CNTN1: variants seen among roughly 807,000 people sequenced by gnomAD.
The protein encoded by CNTN1 is contactin 1, also known as contactin-1.
Under a neutral mutation model 126.4 loss-of-function variants are expected in CNTN1, and 38 were observed. The observed-to-expected ratio is 0.30, with a 90% CI of 0.23 to 0.39. The LOEUF (loss-of-function observed/expected upper bound fraction) is 0.39. CNTN1 is among the 10% of genes least tolerant of loss of function. The probability of loss-of-function intolerance (pLI) is 1.00; values close to 1 mark genes in which losing one functional copy is unlikely to be tolerated. For missense variants in CNTN1, 1,009 were observed against 1,248.4 expected, an observed-to-expected ratio of 0.81 and a Z score of 2.89; for synonymous variants, 413 against 422.6, an observed-to-expected ratio of 0.98 and a Z score of 0.28.
At chr12:40,714,179 A>T (rs1941992881) in intron 1 of CNTN1, among the ~76,000 whole-genome samples, 1 of 152,134 alleles carries the variant, frequency 6.6e-6, no homozygotes, top group Non-Finnish European at 1.5e-5. Context: ...AGATAGACAC[A>T]TATTAAAGAT....
At chr12:40,924,131 C>A (rs915418552) in intron 5 of CNTN1, among the ~76,000 whole-genome samples, 1 of 152,084 alleles carries the variant, frequency 6.6e-6, no homozygotes. Flanking sequence ...GATATCCAAG[C>A]CCTCCCTCAG....
At chr12:40,734,314 A>G (rs1942566699) in intron 1 of CNTN1, among the ~76,000 whole-genome samples, 1 of 152,150 alleles carries the variant, frequency 6.6e-6, no homozygotes, top group Non-Finnish European at 1.5e-5. Flanking sequence ...TGTTGACTTG[A>G]GGGTTCCACA....
At chr12:40,842,601 G>T (rs573844561) in intron 1 of CNTN1, among the ~76,000 whole-genome samples, 1 of 152,140 alleles carries the variant, frequency 6.6e-6, no homozygotes, top group South Asian at 2.1e-4. Context: ...AGACACTTTT[G>T]CTTCCTTCCT....
At position 40,856,025 on chromosome 12, in the gene CNTN1, A is replaced by G. The variant is rs1942895359; in HGVS notation, c.-76-52332A>G. On this transcript the variant is annotated intron_variant, in intron 1 of 23. Coordinates refer to ENST00000551295, the MANE Select transcript of CNTN1 (RefSeq NM_001843.4). ...CCCAAAGAGTTTACATGCTCAATCA[A>G]TGCACATTAAATTTTGGGTGGGTGA... Among the ~76,000 whole-genome samples, 3 of 152,234 alleles carry G rather than the reference A, an allele frequency of 2.0e-5. No individual in the cohort carries two copies. The South Asian group carries it at 6.2e-4, about 32-fold the overall frequency.
At chr12:40,836,025 T>C (rs1942039030) in intron 1 of CNTN1, among the ~76,000 whole-genome samples, 1 of 150,942 alleles carries the variant, frequency 6.6e-6, no homozygotes, top group Admixed American at 6.6e-5. Flanking sequence ...TGTATGCATA[T>C]ATATATACAC....
At chr12:40,734,203 C>A (rs1942564254) in intron 1 of CNTN1, among the ~76,000 whole-genome samples, 1 of 152,040 alleles carries the variant, frequency 6.6e-6, no homozygotes, top group East Asian at 1.9e-4. Context: ...CACTAAAAGG[C>A]AGAGAGAGCA....
intron 15 of CNTN1, among the ~76,000 whole-genome samples, chr12:40,974,417 C>T (rs186550234): frequency 3.3e-5 from 5 of 151,568 alleles, no homozygotes; most frequent in East Asian, 1.9e-4. Flanking sequence ...GCCCAGGCAA[C>T]GTGGTGAAAC....
intron 4 of CNTN1, among the ~76,000 whole-genome samples, chr12:40,920,046 T>A (rs1399552830): frequency 1.8e-4 from 27 of 152,134 alleles, no homozygotes; most frequent in Admixed American, 1.8e-3. Context: ...AAATCACAGA[T>A]CCAAGACTGA....
At chr12:40,906,802 C>T (rs1460404737) in intron 1 of CNTN1, among the ~76,000 whole-genome samples, 1 of 151,486 alleles carries the variant, frequency 6.6e-6, no homozygotes, top group African/African-American at 2.4e-5. Context: ...CCTCAGCCTC[C>T]TGAGTAGCTG....
At chr12:40,896,655 C>G (rs1204669392) in intron 1 of CNTN1, among the ~76,000 whole-genome samples, 1 of 152,176 alleles carries the variant, frequency 6.6e-6, no homozygotes, top group Non-Finnish European at 1.5e-5. Context: ...AATACTTCTC[C>G]AAAATACTTT....
chr12:40,854,508 C>T (rs904091397), intron 1 of CNTN1, among the ~76,000 whole-genome samples: 18 of 152,046 alleles, frequency 1.2e-4, no homozygotes, highest in African/African-American at 4.1e-4. Flanking sequence ...TAAGTCAAGA[C>T]TCTGTGTCTC....
chr12:40,968,917 A>G (rs769024139), intron 15 of CNTN1, among the ~76,000 whole-genome samples: 1 of 152,154 alleles, frequency 6.6e-6, no homozygotes, highest in Non-Finnish European at 1.5e-5. Flanking sequence ...TGGTTTGTCA[A>G]ATTAATTAGG....
At chr12:40,970,197 G>A (rs985436769) in intron 15 of CNTN1, among the ~76,000 whole-genome samples, 3 of 152,010 alleles carry the variant, frequency 2.0e-5, no homozygotes, top group African/African-American at 7.2e-5. Context: ...CCCCTCTCTG[G>A]AGGAGTTTAG....
intron 23 of CNTN1, among the ~76,000 whole-genome samples, chr12:41,030,190 A>G (rs901089206): frequency 7.3e-5 from 11 of 151,250 alleles, no homozygotes; most frequent in African/African-American, 1.7e-4. Context: ...TAAGAAAACT[A>G]AAAAAAAAGA....
intron 23 of CNTN1, among the ~76,000 whole-genome samples, chr12:41,044,829 G>A (rs1290121868): frequency 2.0e-5 from 3 of 152,018 alleles, no homozygotes; most frequent in African/African-American, 7.2e-5. Flanking sequence ...ATTCAAAGAT[G>A]ATTTCATTTT....
chr12:40,953,781 A>G (rs779406560), intron 14 of CNTN1, among the ~76,000 whole-genome samples: 28 of 149,066 alleles, frequency 1.9e-4, no homozygotes, highest in Non-Finnish European at 3.6e-4. Context: ...ATGTGACAGT[A>G]TAAGAAGAAT....
At chr12:40,978,132 T>A (rs1947730425) in intron 15 of CNTN1, among the ~76,000 whole-genome samples, 1 of 152,158 alleles carries the variant, frequency 6.6e-6, no homozygotes, top group Non-Finnish European at 1.5e-5. Flanking sequence ...CGGTTTTTAT[T>A]ACTCTTGTTT....
At chr12:40,779,618 G>T (rs1192313648) in intron 1 of CNTN1, among the ~76,000 whole-genome samples, 3 of 151,814 alleles carry the variant, frequency 2.0e-5, no homozygotes, top group Non-Finnish European at 1.5e-5. Flanking sequence ...TCTTTTAAAT[G>T]TGTTTCTTTA....
chr12:40,865,346 C>T (rs11178829), intron 1 of CNTN1, among the ~76,000 whole-genome samples: 36,136 of 151,870 alleles, frequency 0.24, 4,766 homozygotes, highest in South Asian at 0.35. Flanking sequence ...AAGTTTTCAA[C>T]CTTAATGAAG....
Sources: gnomAD v4.1 joint callset for allele counts (sites outside exome capture counted in the v4.1 genomes callset) on GRCh38, gnomAD v4.1.1 for gene constraint, MANE v1.5 for transcripts, NCBI Gene and HGNC (gene_info 2026-07-23, HGNC 2026-07-21) for gene names.